PLCH1: variants seen among roughly 807,000 people sequenced by gnomAD.
PLCH1 encodes 1-phosphatidylinositol 4,5-bisphosphate phosphodiesterase eta-1.
In PLCH1, 60 loss-of-function variants were observed where a neutral mutation model predicts 126.7. The observed-to-expected ratio is 0.47, with a 90% CI of 0.38 to 0.59. PLCH1 has a LOEUF of 0.59. Among genes scored for constraint, PLCH1 ranks in the 20% least tolerant of loss-of-function variants. PLCH1 has a pLI of 0.00. For synonymous variants in PLCH1, 719 were observed against 734.9 expected (o/e 0.98, Z 0.35); for missense variants, 1,723 against 2,040.0 (o/e 0.84, Z 2.99).
intron 10 of PLCH1, among the ~76,000 whole-genome samples, chr3:155,540,052 A>G (rs1425001089): frequency 3.9e-5 from 6 of 152,276 alleles, no homozygotes; most frequent in African/African-American, 9.6e-5. Context: ...CACATAGACC[A>G]ATGGAACAGA....
chr3:155,623,923 C>A (rs906721430), intron 2 of PLCH1, among the ~76,000 whole-genome samples: 2 of 152,054 alleles, frequency 1.3e-5, no homozygotes, highest in African/African-American at 4.8e-5. Context: ...ATCCTGATAC[C>A]AAAACCTGGC....
intron 21 of PLCH1, among the ~76,000 whole-genome samples, chr3:155,454,736 A>G (rs1300124726): frequency 2.6e-5 from 4 of 152,188 alleles, no homozygotes; most frequent in Admixed American, 6.5e-5. Context: ...GGAAGGAATC[A>G]TTGGTTCAAG....
intron 1 of PLCH1, among the ~76,000 whole-genome samples, chr3:155,705,189 C>G (rs900681893): frequency 2.0e-4 from 31 of 152,130 alleles, no homozygotes; most frequent in African/African-American, 7.5e-4. Context: ...AAACGTATCC[C>G]AGGATAAAAT....
intron 1 of PLCH1, among the ~76,000 whole-genome samples, chr3:155,721,457 G>T (rs77602319): frequency 0.013 from 2,015 of 151,652 alleles, 23 homozygotes; most frequent in Non-Finnish European, 0.021. Flanking sequence ...TCCTAAATTG[G>T]TTTTTTTTCC....
chr3:155,608,939 C>T (rs1734722034), intron 2 of PLCH1, among the ~76,000 whole-genome samples: 1 of 152,196 alleles, frequency 6.6e-6, no homozygotes, highest in Admixed American at 6.5e-5. Flanking sequence ...GGTCAACCAA[C>T]TCAAGCAATT....
rs1205852298 is a variant in PLCH1, at chr3:155,481,626, T to G, written c.4400A>C (p.Gln1467Pro). 2 of 1,614,068 alleles carry G rather than the reference T, an allele frequency of 1.2e-6. No homozygotes were observed. Among genetic ancestry groups the G allele is most frequent in the East Asian group, 4.5e-5 (2 of 44,884 alleles). The change falls in exon 23 of 23, where the codon CAG becomes CCG. Residue 1467 changes from glutamine to proline, a missense_variant. This residue lies in a region of PLCH1 where 947 missense variants were observed against 977.1 expected (regional missense o/e 0.97). Transcript: ENST00000460012. This position sits in a 1 kb window ranked among gnomAD's most constrained non-coding sequence, Gnocchi z 4.2. ...AQDMHVPVPK[Q>P]LAHLPLPALK... ...AGCAGGCAAAGGAAGATGTGCCAAC[T>G]GCTTGGGTACAGGGACATGCATATC...
At chr3:155,672,656 G>A (rs1266066458) in intron 2 of PLCH1, among the ~76,000 whole-genome samples, 1 of 152,162 alleles carries the variant, frequency 6.6e-6, no homozygotes, top group African/African-American at 2.4e-5. Flanking sequence ...CTGTCTAGTG[G>A]ACAAGAGGTC....
downstream of PLCH1, chr3:155,479,870 A>C (rs955738664): frequency 5.9e-5 from 9 of 152,230 alleles, no homozygotes; most frequent in Admixed American, 1.3e-4. Context: ...TTGTAAAAAA[A>C]GTTCACCAAG....
intron 2 of PLCH1, among the ~76,000 whole-genome samples, chr3:155,606,454 T>C (rs1367528691): frequency 2.6e-5 from 4 of 152,190 alleles, no homozygotes; most frequent in Non-Finnish European, 5.9e-5. Flanking sequence ...TAACTCCACA[T>C]TATGAGGAAA....
At chr3:155,639,980 C>T (rs1451879339) in intron 2 of PLCH1, among the ~76,000 whole-genome samples, 5 of 152,142 alleles carry the variant, frequency 3.3e-5, no homozygotes, top group Admixed American at 6.5e-5. Flanking sequence ...TGCCTTCTGT[C>T]GTGATTGTAA....
chr3:155,569,912 A>C (rs1474066682), intron 6 of PLCH1, among the ~76,000 whole-genome samples: 1 of 152,230 alleles, frequency 6.6e-6, no homozygotes, highest in African/African-American at 2.4e-5. Flanking sequence ...GTGAGCAGAG[A>C]ATATGTTACT....
intron 3 of PLCH1, among the ~76,000 whole-genome samples, 190 bp from the exon 4 acceptor site, chr3:155,594,374 C>CCGTCG (rs1732640725): frequency 6.6e-6 from 1 of 151,814 alleles, no homozygotes; most frequent in South Asian, 2.1e-4. Flanking sequence ...AGTTCGAGAC[C>CCGTCG]AGCCTGGGCA....
At position 155,518,518 on chromosome 3, in the gene PLCH1, G is replaced by T. The variant is rs554830632; in HGVS notation, c.1471-3634C>A. 9.9e-4 allele frequency among the ~76,000 whole-genome samples: 150 copies of T among 152,230 alleles called. 1 individual carries two copies. The highest frequency in any genetic ancestry group is 3.5e-3 in the African/African-American group (147 of 41,542). ...TATTGTTACAGAAAAAGAGAAAAGAGAAATTCTTGAGTCAAAGTAACCATG... is the reference window on the plus strand; with the variant it reads ...TATTGTTACAGAAAAAGAGAAAAGATAAATTCTTGAGTCAAAGTAACCATG... On this transcript the variant is annotated intron_variant, in intron 11 of 22. Coordinates refer to ENST00000460012, the MANE Select transcript of PLCH1 (RefSeq NM_014996.4).
intron 6 of PLCH1, among the ~76,000 whole-genome samples, chr3:155,578,844 A>G (rs963701062): frequency 6.6e-6 from 1 of 152,114 alleles, no homozygotes; most frequent in East Asian, 1.9e-4. Context: ...CCTTCCACCC[A>G]TAAAACCTAG....
chr3:155,493,550 G>A (rs1483425168), intron 17 of PLCH1, among the ~76,000 whole-genome samples: 1 of 152,096 alleles, frequency 6.6e-6, no homozygotes, highest in Admixed American at 6.5e-5. Flanking sequence ...ACTATGCCCA[G>A]CTAATTCTGA....
chr3:155,729,251 T>C (rs1312171785), intron 1 of PLCH1, among the ~76,000 whole-genome samples: 3 of 152,192 alleles, frequency 2.0e-5, no homozygotes, highest in Non-Finnish European at 4.4e-5. Context: ...AGGGAATGTG[T>C]CCAATTTTCA....
chr3:155,586,313 G>A (rs1052648837), intron 4 of PLCH1, 119 bp from the exon 5 acceptor site: 13 of 958,600 alleles, frequency 1.4e-5, no homozygotes, highest in Non-Finnish European at 1.8e-5. Flanking sequence ...TTATTTTGAG[G>A]AGCCCCTGCA....
chr3:155,726,820 T>G (rs1416553177), intron 1 of PLCH1, among the ~76,000 whole-genome samples: 1 of 151,386 alleles, frequency 6.6e-6, no homozygotes, highest in East Asian at 1.9e-4. Context: ...CTCAGCCTCC[T>G]GAGTAGCTGG....
intron 2 of PLCH1, among the ~76,000 whole-genome samples, chr3:155,666,115 A>G (rs757221683): frequency 2.6e-5 from 4 of 152,208 alleles, no homozygotes; most frequent in African/African-American, 4.8e-5. Flanking sequence ...AATTATTGCA[A>G]TAAACTTACT....
Sources: gnomAD v4.1 joint callset for allele counts (sites outside exome capture counted in the v4.1 genomes callset) on GRCh38, gnomAD v4.1.1 for gene constraint, gnomAD v4.1.1 regional missense constraint, Gnocchi (gnomAD v3.1) non-coding constraint, MANE v1.5 for transcripts, NCBI Gene and HGNC (gene_info 2026-07-23, HGNC 2026-07-21) for gene names.